Variants in PARD3B observed in about 807,000 individuals in gnomAD.
PARD3B encodes par-3 family cell polarity regulator beta, also known as partitioning defective 3 homolog B.
PARD3B carries 103 observed loss-of-function variants against 130.2 expected under a neutral mutation model. That is an observed-to-expected ratio of 0.79 (90% CI 0.67 to 0.93). The LOEUF is 0.93. PARD3B is among the 40% of genes least tolerant of loss of function. The pLI is 0.00. For missense variants in PARD3B, 1,609 were observed against 1,499.2 expected (o/e 1.07, Z -1.21); for synonymous variants, 583 against 553.2 (o/e 1.05, Z -0.76).
At position 205,292,435 on chromosome 2, in the gene PARD3B, C is replaced by T. The variant is rs1475009838; in HGVS notation, c.2186-8095C>T. On this transcript the variant is annotated intron_variant, in intron 16 of 22. Coordinates refer to ENST00000406610, the MANE Select transcript of PARD3B (RefSeq NM_001302769.2). The surrounding 1 kb of genome is among the most constrained non-coding windows in gnomAD (Gnocchi z 5.3). ...AGAAAATTCCATTGTTGATAAGCCACCCAGTCTATGGTATTTTTGTTATAG... is the reference window on the plus strand; with the variant it reads ...AGAAAATTCCATTGTTGATAAGCCATCCAGTCTATGGTATTTTTGTTATAG... Among the ~76,000 whole-genome samples, 1 of 152,124 alleles carries T rather than the reference C, an allele frequency of 6.6e-6. No individual in the cohort carries two copies. The highest frequency in any genetic ancestry group is 1.5e-5 in the Non-Finnish European group (1 of 68,020).
intron 2 of PARD3B, among the ~76,000 whole-genome samples, chr2:204,796,070 C>G (rs2042364582): frequency 6.6e-6 from 1 of 152,074 alleles, no homozygotes; most frequent in South Asian, 2.1e-4. Context: ...CATAAATTAT[C>G]AACAACTTTA....
chr2:205,484,571 A>G (rs974428083), intron 20 of PARD3B, among the ~76,000 whole-genome samples: 7 of 152,120 alleles, frequency 4.6e-5, no homozygotes, highest in African/African-American at 1.7e-4. Context: ...TTTATTTTTC[A>G]TGCTCTTCCA....
At position 204,925,747 on chromosome 2, in the gene PARD3B, G is replaced by A. The variant is rs149081416; in HGVS notation, c.223-39405G>A. On this transcript the variant is annotated intron_variant, in intron 2 of 22. Coordinates refer to ENST00000406610, the MANE Select transcript of PARD3B (RefSeq NM_001302769.2). Reference sequence around the variant, plus strand: ...ATTCTTACCCCTACTGATATGGTTTGGCTCTGTGTCCCCACCCAAATCTCA... The same window carrying A: ...ATTCTTACCCCTACTGATATGGTTTAGCTCTGTGTCCCCACCCAAATCTCA... Among the ~76,000 whole-genome samples, 474 of 152,110 alleles carry A rather than the reference G, an allele frequency of 3.1e-3. 9 individuals carry two copies. Among genetic ancestry groups the A allele is most frequent in the Admixed American group, 0.025 (382 of 15,274 alleles).
intron 18 of PARD3B, among the ~76,000 whole-genome samples, chr2:205,378,386 C>G (rs2045155073): frequency 6.6e-6 from 1 of 152,174 alleles, no homozygotes; most frequent in Non-Finnish European, 1.5e-5. Flanking sequence ...TGTCAGCCAC[C>G]TCCCTAAGGG....
At position 205,309,572 on chromosome 2, in the gene PARD3B, C is replaced by T. The variant is rs1036344974; in HGVS notation, c.2630+7871C>T. 3.3e-5 allele frequency among the ~76,000 whole-genome samples: 5 copies of T among 152,094 alleles called. No homozygotes were observed. Among genetic ancestry groups the T allele is most frequent in the African/African-American group, 9.7e-5 (4 of 41,410 alleles). On this transcript the variant is annotated intron_variant, in intron 18 of 22. Transcript: ENST00000406610. This position sits in a 1 kb window ranked among gnomAD's most constrained non-coding sequence, Gnocchi z 4.7. ...AATTATTTTAAAAAGAACACTCCTA[C>T]ACACACATCACACCTACCACTACCA... is the stretch of plus-strand genomic sequence containing the variant.
intron 19 of PARD3B, among the ~76,000 whole-genome samples, chr2:205,406,589 A>T (rs971901886): frequency 6.6e-6 from 1 of 151,386 alleles, no homozygotes; most frequent in Non-Finnish European, 1.5e-5. Context: ...TATAAAAATC[A>T]TAGCCATGTA....
intron 3 of PARD3B, among the ~76,000 whole-genome samples, chr2:205,029,000 A>G (rs2125355136): frequency 6.6e-6 from 1 of 151,942 alleles, no homozygotes; most frequent in South Asian, 2.1e-4. Context: ...AGTTTATTGG[A>G]TTTTAATAGA....
chr2:205,021,649 T>C lies in PARD3B; in HGVS notation c.395-25932T>C, dbSNP rs1696622077. 1.4e-5 allele frequency among the ~76,000 whole-genome samples: 1 copy of C among 71,466 alleles called. No homozygotes were observed. The allele number at this position is 71,466 out of a possible 152,430, so 46.9% of individuals were successfully genotyped here. A position where few individuals can be genotyped will look rare whatever the true frequency, so the allele number is the denominator to read the frequency against. ...CTCTCTTTCTCTCTCTCTCTCTCTC[T>C]CTATATATATATATATAGTTAATCT... is the stretch of plus-strand genomic sequence containing the variant. On this transcript the variant is annotated intron_variant, in intron 3 of 22. Coordinates refer to ENST00000406610, the MANE Select transcript of PARD3B (RefSeq NM_001302769.2). The surrounding 1 kb of genome is among the most constrained non-coding windows in gnomAD (Gnocchi z 4.5).
Position 205,128,894 on chromosome 2 carries a change from G to A in PARD3B, c.1434+3157G>A, listed in dbSNP as rs1260974969. Among the ~76,000 whole-genome samples the A allele has an allele frequency of 6.6e-6, 1 of 152,108 alleles. No homozygotes were observed. Among genetic ancestry groups the A allele is most frequent in the Non-Finnish European group, 1.5e-5 (1 of 68,028 alleles). On this transcript the variant is annotated intron_variant, in intron 10 of 22. Transcript: ENST00000406610. This position sits in a 1 kb window ranked among gnomAD's most constrained non-coding sequence, Gnocchi z 4.5. Reference sequence around the variant, plus strand: ...TTTATAACCAGTCAAATTGATAAGGGAGGCAGCTGTATGTGTTATTTCACT... The same window carrying A: ...TTTATAACCAGTCAAATTGATAAGGAAGGCAGCTGTATGTGTTATTTCACT...
At chr2:204,595,298 G>A (rs1346758996) in intron 1 of PARD3B, among the ~76,000 whole-genome samples, 1 of 152,200 alleles carries the variant, frequency 6.6e-6, no homozygotes, top group East Asian at 1.9e-4. Context: ...ACACTTCTCT[G>A]TCTAAACCAT....
chr2:204,981,615 T>A (rs1036743349), intron 3 of PARD3B, among the ~76,000 whole-genome samples: 11 of 152,240 alleles, frequency 7.2e-5, no homozygotes, highest in African/African-American at 2.7e-4. Context: ...TTGTAGGTGC[T>A]GGGAATGTAG....
At chr2:204,792,755 G>T (rs956268178) in intron 2 of PARD3B, among the ~76,000 whole-genome samples, 2 of 152,134 alleles carry the variant, frequency 1.3e-5, no homozygotes, top group Non-Finnish European at 2.9e-5. Context: ...AATTAGAAAG[G>T]TCAGTGGTTT....
chr2:205,612,428 C>T (rs1209269124), intron 22 of PARD3B, among the ~76,000 whole-genome samples: 2 of 152,118 alleles, frequency 1.3e-5, no homozygotes, highest in African/African-American at 4.8e-5. Context: ...AGGCATGAGC[C>T]ACCGCCCCCG....
chr2:204,622,597 A>G (rs975891145), intron 1 of PARD3B, among the ~76,000 whole-genome samples: 1 of 151,738 alleles, frequency 6.6e-6, no homozygotes, highest in Admixed American at 6.6e-5. Context: ...TTATAGAATT[A>G]TATTTATATA....
At chr2:204,648,518 G>A (rs1029208275) in intron 1 of PARD3B, among the ~76,000 whole-genome samples, 2 of 138,848 alleles carry the variant, frequency 1.4e-5, no homozygotes, top group African/African-American at 2.7e-5. Context: ...TGAGTTGTGG[G>A]CAAGCATATA....
At chr2:205,001,874 G>A (rs1284896996) in intron 3 of PARD3B, among the ~76,000 whole-genome samples, 1 of 152,128 alleles carries the variant, frequency 6.6e-6, no homozygotes, top group African/African-American at 2.4e-5. Context: ...TTAGTGTTGA[G>A]GACTACATTG....
At chr2:204,846,725 A>G (rs1009453225) in intron 2 of PARD3B, among the ~76,000 whole-genome samples, 1 of 150,970 alleles carries the variant, frequency 6.6e-6, no homozygotes, top group Non-Finnish European at 1.5e-5. Flanking sequence ...GTATTTCTTA[A>G]GCCATTTTCT....
At chr2:204,668,402 CTG>C (rs1227439491) in intron 1 of PARD3B, among the ~76,000 whole-genome samples, 1 of 152,206 alleles carries the variant, frequency 6.6e-6, no homozygotes, top group Non-Finnish European at 1.5e-5. Context: ...TTTCATACCT[CTG>C]TTGTCTCATG....
At chr2:205,552,694 A>C (rs2052702974) in intron 21 of PARD3B, among the ~76,000 whole-genome samples, 1 of 152,172 alleles carries the variant, frequency 6.6e-6, no homozygotes, top group African/African-American at 2.4e-5. Flanking sequence ...GATTGCAGGC[A>C]TGAGCCACCG....
Sources: gnomAD v4.1 joint callset for allele counts (sites outside exome capture counted in the v4.1 genomes callset) on GRCh38, gnomAD v4.1.1 for gene constraint, Gnocchi (gnomAD v3.1) non-coding constraint, MANE v1.5 for transcripts, NCBI Gene and HGNC (gene_info 2026-07-23, HGNC 2026-07-21) for gene names.